Variants in BLTP1 observed in about 807,000 individuals in gnomAD.
The protein encoded by BLTP1 is bridge-like lipid transfer protein family member 1.
chr4:122,279,772 T>C, the BLTP1 span: 1 of 1,612,548 alleles, frequency 6.2e-7, no homozygotes, highest in Non-Finnish European at 8.5e-7. Flanking sequence ...TCTCTATTGA[T>C]AGAACTGTAG....
the BLTP1 span, chr4:122,345,126 A>G: frequency 8.6e-6 from 6 of 701,006 alleles, no homozygotes; most frequent in Middle Eastern, 7.2e-4. Context: ...ACTTAACCCA[A>G]TATTCTGAAA....
the BLTP1 span, chr4:122,258,507 T>C: frequency 4.3e-6 from 1 of 234,928 alleles, no homozygotes; most frequent in Non-Finnish European, 7.0e-6. Context: ...GCATGGAATA[T>C]GTGAAAGTCT....
At chr4:122,316,445 G>T in the BLTP1 span, 3 of 485,588 alleles carry the variant, frequency 6.2e-6, no homozygotes, top group South Asian at 4.6e-5. Flanking sequence ...CCAAATCAGC[G>T]CCATTCTGTT....
the BLTP1 span, chr4:122,187,225 G>C: frequency 1.0e-6 from 1 of 977,254 alleles, no homozygotes; most frequent in African/African-American, 1.7e-5. Context: ...CCATCTAAAA[G>C]TTGATATGAT....
At chr4:122,154,531 T>A in the BLTP1 span, 1 of 958,624 alleles carries the variant, frequency 1.0e-6, no homozygotes, top group Non-Finnish European at 1.2e-6. Context: ...CTGTTCTCTC[T>A]TTTGCTTGCT....
At chr4:122,179,666 A>G in the BLTP1 span, among the ~76,000 whole-genome samples, 1 of 152,298 alleles carries the variant, frequency 6.6e-6, no homozygotes, top group African/African-American at 2.4e-5. Flanking sequence ...AAACACAGGG[A>G]AAAGGACACA....
At chr4:122,338,342 A>G in the BLTP1 span, among the ~76,000 whole-genome samples, 1 of 152,016 alleles carries the variant, frequency 6.6e-6, no homozygotes, top group East Asian at 1.9e-4. Context: ...GCGTGATTGT[A>G]TGTATCTGTG....
chr4:122,354,574 C>T, the BLTP1 span, among the ~76,000 whole-genome samples: 5 of 150,492 alleles, frequency 3.3e-5, no homozygotes, highest in African/African-American at 1.2e-4. Flanking sequence ...TATAGTATTG[C>T]TTTTACCAAT....
chr4:122,186,164 A>G, the BLTP1 span: 7 of 1,612,914 alleles, frequency 4.3e-6, no homozygotes, highest in Non-Finnish European at 5.9e-6. Flanking sequence ...TCCACCTAAG[A>G]AAGATGATGA....
the BLTP1 span, chr4:122,189,494 C>A: frequency 1.1e-6 from 1 of 895,088 alleles, no homozygotes; most frequent in Non-Finnish European, 1.3e-6. Context: ...AAAATGATAA[C>A]TTTTTTATTA....
At chr4:122,264,430 G>A in the BLTP1 span, 3 of 1,594,230 alleles carry the variant, frequency 1.9e-6, no homozygotes, top group South Asian at 2.3e-5. Flanking sequence ...ATGCACAGGT[G>A]AGCCAGCCTG....
the BLTP1 span, among the ~76,000 whole-genome samples, chr4:122,342,977 C>T: frequency 4.9e-4 from 75 of 152,266 alleles, no homozygotes; most frequent in African/African-American, 1.6e-3. Flanking sequence ...TTACTTTCTG[C>T]TTTTGCATAC....
chr4:122,299,132 A>G, the BLTP1 span: 2 of 984,616 alleles, frequency 2.0e-6, no homozygotes, highest in Middle Eastern at 1.0e-3. Context: ...ATATACAGAA[A>G]TGTGTATTTT....
At chr4:122,338,086 C>A in the BLTP1 span, among the ~76,000 whole-genome samples, 1 of 151,942 alleles carries the variant, frequency 6.6e-6, no homozygotes, top group African/African-American at 2.4e-5. Flanking sequence ...TTCAGTCTTA[C>A]ATTCCAGAAT....
At chr4:122,321,344 CTT>C in the BLTP1 span, among the ~76,000 whole-genome samples, 1 of 152,052 alleles carries the variant, frequency 6.6e-6, no homozygotes, top group South Asian at 2.1e-4. Flanking sequence ...CCTCCTGTCT[CTT>C]GTATCATTAC....
chr4:122,224,670 C>T, the BLTP1 span: 28 of 1,614,032 alleles, frequency 1.7e-5, no homozygotes, highest in Non-Finnish European at 2.4e-5. Flanking sequence ...AAGGTCACAG[C>T]ACCACAGGTA....
At chr4:122,234,157 G>A in the BLTP1 span, 4 of 304,902 alleles carry the variant, frequency 1.3e-5, no homozygotes, top group Non-Finnish European at 1.9e-5. Context: ...AGATCTATGA[G>A]TCACTTATAC....
the BLTP1 span, chr4:122,209,968 A>T: frequency 1.8e-5 from 28 of 1,586,416 alleles, no homozygotes; most frequent in Non-Finnish European, 2.3e-5. Flanking sequence ...AGCTGCTATT[A>T]TGATTGATAA....
chr4:122,344,013 G>A, the BLTP1 span: 37 of 970,010 alleles, frequency 3.8e-5, no homozygotes, highest in East Asian at 5.7e-4. Context: ...CAGCCATTTC[G>A]TGAAATTAAA....
Sources: gnomAD v4.1 joint callset for allele counts (sites outside exome capture counted in the v4.1 genomes callset) on GRCh38, gnomAD v4.1.1 for gene constraint, MANE v1.5 for transcripts, NCBI Gene and HGNC (gene_info 2026-07-23, HGNC 2026-07-21) for gene names.